Variants in LRP1B observed in about 807,000 individuals in gnomAD.
The protein encoded by LRP1B is LDL receptor related protein 1B.
LRP1B carries 217 observed loss-of-function variants against 556.6 expected under a neutral mutation model. The observed-to-expected ratio is 0.39, with a 90% CI of 0.35 to 0.44. LRP1B has a LOEUF of 0.44. LRP1B is among the 20% of genes least tolerant of loss of function. LRP1B has a pLI of 1.00. For synonymous variants in LRP1B, 2,047 were observed against 1,865.8 expected (o/e 1.10, Z -2.50); for missense variants, 5,053 against 5,620.8 (o/e 0.90, Z 3.23).
intron 3 of LRP1B, among the ~76,000 whole-genome samples, chr2:141,341,611 T>C (rs536220698): frequency 1.9e-4 from 29 of 152,238 alleles, no homozygotes; most frequent in Non-Finnish European, 3.7e-4. Flanking sequence ...CCTAGTTACA[T>C]AGCAGCACTA....
intron 18 of LRP1B, among the ~76,000 whole-genome samples, chr2:140,972,595 T>TA (rs1696461955): frequency 4.6e-5 from 3 of 65,832 alleles, no homozygotes; most frequent in Admixed American, 1.9e-4. Flanking sequence ...TTAGGAAACA[T>TA]GGGAAAAATG....
At chr2:140,306,111 T>C (rs1180928835) in intron 83 of LRP1B, among the ~76,000 whole-genome samples, 1 of 135,308 alleles carries the variant, frequency 7.4e-6, no homozygotes, top group Non-Finnish European at 1.7e-5. Context: ...GGTCTAACAT[T>C]CTCTTTTTTT....
At chr2:141,652,318 T>C (rs1043646261) in intron 2 of LRP1B, among the ~76,000 whole-genome samples, 3 of 152,184 alleles carry the variant, frequency 2.0e-5, no homozygotes, top group South Asian at 4.1e-4. Flanking sequence ...AATATATACA[T>C]AGATTAAGTT....
chr2:140,330,237 A>AT (rs958269426), intron 79 of LRP1B, among the ~76,000 whole-genome samples: 1 of 142,620 alleles, frequency 7.0e-6, no homozygotes, highest in African/African-American at 2.6e-5. Context: ...AATAATAATA[A>AT]TAATATGGAG....
At chr2:141,003,112 T>C (rs990039875) in intron 15 of LRP1B, among the ~76,000 whole-genome samples, 6 of 152,022 alleles carry the variant, frequency 3.9e-5, no homozygotes, top group African/African-American at 1.2e-4. Context: ...AACTACATGG[T>C]AAAACACATA....
chr2:142,000,333 C>T (rs941849534), intron 1 of LRP1B, among the ~76,000 whole-genome samples: 10 of 152,132 alleles, frequency 6.6e-5, no homozygotes, highest in African/African-American at 7.2e-5. Flanking sequence ...CTAAAGTGGC[C>T]TGGGGAAATC....
chr2:141,920,285 G>T (rs59127737), intron 1 of LRP1B, among the ~76,000 whole-genome samples: 7 of 129,142 alleles, frequency 5.4e-5, no homozygotes, highest in South Asian at 2.7e-4. Flanking sequence ...TTTTTGGGGG[G>T]GGGTGGTAGG....
At chr2:140,841,488 G>A (rs1692103911) in intron 29 of LRP1B, among the ~76,000 whole-genome samples, 1 of 152,066 alleles carries the variant, frequency 6.6e-6, no homozygotes, top group Non-Finnish European at 1.5e-5. Flanking sequence ...CAACAAATGG[G>A]CTATTTTATG....
intron 35 of LRP1B, among the ~76,000 whole-genome samples, chr2:140,720,997 T>A (rs1190139043): frequency 6.6e-6 from 1 of 152,084 alleles, no homozygotes; most frequent in African/African-American, 2.4e-5. Flanking sequence ...ACAAAGTTGC[T>A]TTTTCTTCAT....
intron 1 of LRP1B, among the ~76,000 whole-genome samples, chr2:141,991,020 CT>C (rs1483936389): frequency 6.6e-6 from 1 of 151,894 alleles, no homozygotes; most frequent in African/African-American, 2.4e-5. Flanking sequence ...TCATTTTGCA[CT>C]TTTTCAGAGT....
chr2:141,508,918 G>A (rs1306725529), intron 2 of LRP1B, among the ~76,000 whole-genome samples: 3 of 152,016 alleles, frequency 2.0e-5, no homozygotes, highest in African/African-American at 7.3e-5. Context: ...CCAACAATTA[G>A]AGAAATATAA....
chr2:140,795,305 T>C (rs375266472), intron 32 of LRP1B, among the ~76,000 whole-genome samples: 3 of 152,160 alleles, frequency 2.0e-5, no homozygotes, highest in Non-Finnish European at 4.4e-5. Context: ...AATCTCATCA[T>C]TGGCCTTCTG....
chr2:141,329,022 C>T (rs1043261132), intron 3 of LRP1B, among the ~76,000 whole-genome samples: 7 of 152,142 alleles, frequency 4.6e-5, no homozygotes, highest in African/African-American at 1.7e-4. Context: ...CTGAAATTTT[C>T]AACTCTAATT....
intron 66 of LRP1B, among the ~76,000 whole-genome samples, chr2:140,409,557 T>C (rs1684884807): frequency 6.6e-6 from 1 of 152,058 alleles, no homozygotes; most frequent in Non-Finnish European, 1.5e-5. Flanking sequence ...AATATTGTTA[T>C]AAGAAGTATT....
chr2:141,873,078 A>G (rs1698640969), intron 1 of LRP1B, among the ~76,000 whole-genome samples: 1 of 152,028 alleles, frequency 6.6e-6, no homozygotes, highest in Non-Finnish European at 1.5e-5. Context: ...ATTTATGACC[A>G]AAGCAAAGGT....
chr2:141,614,081 A>AG (rs1491105376), intron 2 of LRP1B, among the ~76,000 whole-genome samples: 46 of 21,038 alleles, frequency 2.2e-3, no homozygotes, highest in East Asian at 6.9e-3. Context: ...ACTCAGCCTC[A>AG]AAAAAAAAAA....
chr2:140,985,812 T>C (rs1422657428), intron 17 of LRP1B, among the ~76,000 whole-genome samples: 2 of 151,978 alleles, frequency 1.3e-5, no homozygotes, highest in Non-Finnish European at 2.9e-5. Flanking sequence ...TAACATCAGT[T>C]TACTGTTATA....
chr2:141,698,681 A>T (rs569181090), intron 2 of LRP1B, among the ~76,000 whole-genome samples: 1 of 151,694 alleles, frequency 6.6e-6, no homozygotes, highest in East Asian at 1.9e-4. Flanking sequence ...AGCATATTCC[A>T]AATAGAAATT....
chr2:140,668,149 A>G (rs1014889602), intron 41 of LRP1B, among the ~76,000 whole-genome samples: 3 of 151,886 alleles, frequency 2.0e-5, no homozygotes, highest in African/African-American at 7.3e-5. Flanking sequence ...CGTCTCTACT[A>G]AAAATACAAA....
Sources: allele counts gnomAD v4.1 joint callset (sites outside exome capture counted in the v4.1 genomes callset), GRCh38; gene constraint gnomAD v4.1.1; transcripts MANE v1.5; gene names NCBI Gene and HGNC (gene_info 2026-07-23, HGNC 2026-07-21).